CARM1: variants seen among roughly 807,000 people sequenced by gnomAD.
CARM1 encodes coactivator associated arginine methyltransferase 1.
CARM1 carries 14 observed loss-of-function variants against 72.7 expected under a neutral mutation model. The ratio of observed to expected loss-of-function variants is 0.19; its 90% confidence interval spans 0.13 to 0.30. The LOEUF is 0.30. Ranked by LOEUF, CARM1 falls within the 10% of genes least tolerant of loss-of-function variation. The pLI is 1.00. For missense variants in CARM1, 432 were observed against 833.7 expected (o/e 0.52, Z 5.93); for synonymous variants, 333 against 345.5 (o/e 0.96, Z 0.40).
intron 1 of CARM1, among the ~76,000 whole-genome samples, chr19:10,882,703 G>A (rs1599685579): frequency 2.0e-5 from 3 of 152,020 alleles, no homozygotes; most frequent in African/African-American, 7.2e-5. Context: ...CACCATGCCC[G>A]GCTAATTTTT....
intron 1 of CARM1, among the ~76,000 whole-genome samples, chr19:10,890,710 T>C (rs1168934297): frequency 1.4e-5 from 2 of 146,580 alleles, no homozygotes; most frequent in Non-Finnish European, 3.0e-5. Flanking sequence ...CACACACATA[T>C]ATACACATGA....
chr19:10,903,639 C>T (rs2074082427), intron 1 of CARM1, among the ~76,000 whole-genome samples: 1 of 151,776 alleles, frequency 6.6e-6, no homozygotes, highest in Admixed American at 6.6e-5. Context: ...TACCTCACTA[C>T]AGCCTCAACC....
intron 1 of CARM1, among the ~76,000 whole-genome samples, chr19:10,894,408 G>C (rs1385964655): frequency 6.6e-6 from 1 of 152,138 alleles, no homozygotes; most frequent in Non-Finnish European, 1.5e-5. Context: ...TTGGCCACGG[G>C]GGGTCGGGGT....
intron 1 of CARM1, among the ~76,000 whole-genome samples, chr19:10,900,331 A>G (rs1185087209): frequency 6.6e-6 from 1 of 152,048 alleles, no homozygotes; most frequent in Non-Finnish European, 1.5e-5. Context: ...TATGTTTGTC[A>G]CCCCAAAAGG....
In CARM1 at chr19:10,896,031, C is replaced by T. The variant is rs1468027865; in HGVS notation, c.221-8920C>T. On this transcript the variant is annotated intron_variant, in intron 1 of 15. Coordinates refer to ENST00000327064, the MANE Select transcript of CARM1 (RefSeq NM_199141.2). The surrounding 1 kb of genome is among the most constrained non-coding windows in gnomAD (Gnocchi z 5.2). ...GACCCAGGGGGCAGCAGTGAGACTG[C>T]AGACATTGGCAGGGGGCTGGTTCCG... Among the ~76,000 whole-genome samples, 1 of 152,144 alleles carries T rather than the reference C, an allele frequency of 6.6e-6. No homozygotes were observed. Among genetic ancestry groups the T allele is most frequent in the South Asian group, 2.1e-4 (1 of 4,816 alleles).
chr19:10,872,702 A>G (rs989297787), intron 1 of CARM1, among the ~76,000 whole-genome samples: 2 of 152,102 alleles, frequency 1.3e-5, no homozygotes, highest in Non-Finnish European at 2.9e-5. Context: ...AAAGAAAATC[A>G]CAAATGCGTT....
chr19:10,895,375 G>T (rs1363725953), intron 1 of CARM1, among the ~76,000 whole-genome samples: 1 of 152,242 alleles, frequency 6.6e-6, no homozygotes, highest in African/African-American at 2.4e-5. Flanking sequence ...AAAGTGCTGG[G>T]ATTACAGGCG....
chr19:10,918,516 C>T (rs2074215805), intron 8 of CARM1, among the ~76,000 whole-genome samples: 1 of 152,200 alleles, frequency 6.6e-6, no homozygotes, highest in Admixed American at 6.5e-5. Context: ...AGCCACTGCA[C>T]CTGGCGTTGA....
intron 1 of CARM1, among the ~76,000 whole-genome samples, chr19:10,887,367 G>A (rs993824407): frequency 2.0e-5 from 3 of 152,224 alleles, no homozygotes; most frequent in Admixed American, 1.3e-4. Flanking sequence ...GGCATCAGTA[G>A]TGTCTGCCCC....
intron 1 of CARM1, among the ~76,000 whole-genome samples, chr19:10,878,833 C>T (rs1320150764): frequency 2.1e-5 from 3 of 141,444 alleles, no homozygotes; most frequent in Non-Finnish European, 4.5e-5. Flanking sequence ...GAGATGGTGT[C>T]TCGCTCTGTT....
At chr19:10,899,928 A>G (rs1406741887) in intron 1 of CARM1, among the ~76,000 whole-genome samples, 1 of 151,890 alleles carries the variant, frequency 6.6e-6, no homozygotes, top group Non-Finnish European at 1.5e-5. Context: ...GCCATGTTGG[A>G]CAGGTGTGTC....
intron 1 of CARM1, among the ~76,000 whole-genome samples, chr19:10,873,855 G>A (rs887652190): frequency 1.3e-5 from 2 of 151,540 alleles, no homozygotes; most frequent in African/African-American, 2.4e-5. Context: ...TAGCCAGGAT[G>A]GTCTTGATCT....
intron 1 of CARM1, among the ~76,000 whole-genome samples, chr19:10,876,714 G>A (rs905319240): frequency 6.6e-6 from 1 of 152,248 alleles, no homozygotes; most frequent in South Asian, 2.1e-4. Context: ...GCCCTTTGGC[G>A]TGGGCTTCCT....
At chr19:10,914,420 G>A (rs1006140697) in intron 6 of CARM1, among the ~76,000 whole-genome samples, 15 of 152,234 alleles carry the variant, frequency 9.9e-5, no homozygotes, top group Non-Finnish European at 8.8e-5. Flanking sequence ...AGTCCAGGAG[G>A]TGGGGTGGGC....
At chr19:10,886,276 G>A (rs947783349) in intron 1 of CARM1, among the ~76,000 whole-genome samples, 2 of 151,412 alleles carry the variant, frequency 1.3e-5, no homozygotes, top group Non-Finnish European at 2.9e-5. Context: ...GGCTGGTTTC[G>A]AACTCCTGAC....
intron 1 of CARM1, among the ~76,000 whole-genome samples, chr19:10,889,006 C>T (rs2073962230): frequency 6.6e-6 from 1 of 152,096 alleles, no homozygotes; most frequent in African/African-American, 2.4e-5. Context: ...CTACTGAGTG[C>T]CCCCCAGGCC....
chr19:10,884,336 C>T (rs1470199835), intron 1 of CARM1, among the ~76,000 whole-genome samples: 9 of 147,978 alleles, frequency 6.1e-5, no homozygotes, highest in East Asian at 2.0e-4. Context: ...AGCAAAACTC[C>T]GTCTCAAAAA....
chr19:10,921,638 G>T lies in CARM1; in HGVS notation c.1708G>T (p.Gly570Cys). ...AGGGTCCTCCGGCGCCCAGGGCAGTGGTGGTGGCAGCACGAGTGCCCACTA... is the reference window on the plus strand; with the variant it reads ...AGGGTCCTCCGGCGCCCAGGGCAGTTGTGGTGGCAGCACGAGTGCCCACTA... ...VQGSSGAQGS[G>C]GGSTSAHYAV... Residue 570 changes from glycine (G) to cysteine (C), a missense_variant, in exon 16 of 16, where the codon GGT becomes TGT. Gly to Cys is a radical substitution (Grantham distance 159). Coordinates refer to ENST00000327064, the MANE Select transcript of CARM1 (RefSeq NM_199141.2). 1.9e-6 allele frequency: 3 copies of T among 1,613,160 alleles called. No individual in the cohort carries two copies. Among genetic ancestry groups the T allele is most frequent in the Non-Finnish European group, 8.5e-7 (1 of 1,179,608 alleles).
intron 6 of CARM1, among the ~76,000 whole-genome samples, chr19:10,914,972 A>G (rs1013997824): frequency 6.6e-6 from 1 of 152,188 alleles, no homozygotes; most frequent in African/African-American, 2.4e-5. Flanking sequence ...ATTTCTGTAC[A>G]GGCAAGCAGC....
Sources: allele counts gnomAD v4.1 joint callset (sites outside exome capture counted in the v4.1 genomes callset), GRCh38; gene constraint gnomAD v4.1.1; non-coding constraint Gnocchi (gnomAD v3.1); transcripts MANE v1.5; gene names NCBI Gene and HGNC (gene_info 2026-07-23, HGNC 2026-07-21).